The following RAP1GAP2 variants were observed in gnomAD, a reference collection of about 807,000 sequenced individuals.
RAP1GAP2 encodes the protein rap1 GTPase-activating protein 2.
In RAP1GAP2, 27 loss-of-function variants were observed where a neutral mutation model predicts 95.0. The ratio of observed to expected loss-of-function variants is 0.28; its 90% CI spans 0.21 to 0.39. The LOEUF is 0.39. Among genes scored for constraint, RAP1GAP2 ranks in the 10% least tolerant of loss-of-function variants. RAP1GAP2 has a pLI of 1.00. For synonymous variants in RAP1GAP2, 373 were observed against 380.9 expected (o/e 0.98, Z 0.24); for missense variants, 771 against 970.0 (o/e 0.79, Z 2.72).
Position 2,932,884 on chromosome 17 carries a change from C to A in RAP1GAP2, c.166-24875C>A, listed in dbSNP as rs75248246. ...GCAGGGTATGGGTTCCATGTCTGGT[C>A]TGTGATGTGTTCCCTCTGGATGGGC... On this transcript the variant is annotated intron_variant, in intron 3 of 24. Coordinates refer to ENST00000254695, the MANE Select transcript of RAP1GAP2 (RefSeq NM_015085.5). Among the ~76,000 whole-genome samples, 737 of 146,102 alleles carry A rather than the reference C, an allele frequency of 5.0e-3. 6 individuals are homozygous for A. Among genetic ancestry groups the A allele is most frequent in the African/African-American group, 0.017 (689 of 40,060 alleles).
rs1461474600 is a variant in RAP1GAP2 at position 2,855,823 on chromosome 17, A to G, written c.81-49461A>G. ...AGACGGGGGTTTCACCATGTTGCCC[A>G]GGGTGGTCTCAAACTCCTGAGCTCA... is the stretch of plus-strand genomic sequence containing the variant. On this transcript the variant is annotated intron_variant, in intron 2 of 24. Transcript: ENST00000254695. This position sits in a 1 kb window ranked among gnomAD's most constrained non-coding sequence, Gnocchi z 4.3. Among the ~76,000 whole-genome samples, 1 of 152,194 alleles carries G rather than the reference A, an allele frequency of 6.6e-6. No individual in the cohort carries two copies. The highest frequency in any genetic ancestry group is 1.5e-5 in the Non-Finnish European group (1 of 68,044).
chr17:2,911,372 G>A (rs928355685), intron 3 of RAP1GAP2, among the ~76,000 whole-genome samples: 21 of 151,582 alleles, frequency 1.4e-4, no homozygotes, highest in Non-Finnish European at 2.2e-4. Flanking sequence ...CTGGTGCCGG[G>A]TGGGCTGGGA....
Position 2,889,711 on chromosome 17 carries a change from C to T in RAP1GAP2, c.81-15573C>T, listed in dbSNP as rs371623093. Reference sequence around the variant, plus strand: ...TTTTTTTTTTTTTTTGAGATGGAGTCTCACTCTGTCGCCCAGGCTGGAGTG... The same window carrying T: ...TTTTTTTTTTTTTTTGAGATGGAGTTTCACTCTGTCGCCCAGGCTGGAGTG... On this transcript the variant is annotated intron_variant, in intron 2 of 24. Transcript: ENST00000254695. Among the ~76,000 whole-genome samples, 40 of 129,994 alleles carry T rather than the reference C, an allele frequency of 3.1e-4. No homozygotes were observed. The South Asian group carries it at 9.3e-3, about 30-fold the overall frequency. The allele number at this position is 129,994 out of a possible 152,430, so 85.3% of individuals were successfully genotyped here.
At position 2,955,678 on chromosome 17, in the gene RAP1GAP2, G is replaced by A. The variant is rs555464484; in HGVS notation, c.166-2081G>A. Among the ~76,000 whole-genome samples, 17 of 152,208 alleles carry A rather than the reference G, an allele frequency of 1.1e-4. No individual in the cohort carries two copies. The South Asian group carries it at 2.1e-3, about 19-fold the overall frequency. Reference sequence around the variant, plus strand: ...CCTGGGTCTGGGCTTTCCTTCGTGCGTCGTTTTTTTGATCATTAATTTGAT... The same window carrying A: ...CCTGGGTCTGGGCTTTCCTTCGTGCATCGTTTTTTTGATCATTAATTTGAT... On this transcript the variant is annotated intron_variant, in intron 3 of 24. Coordinates refer to ENST00000254695, the MANE Select transcript of RAP1GAP2 (RefSeq NM_015085.5).
chr17:2,779,893 C>T (rs1004136634), intron 1 of RAP1GAP2, among the ~76,000 whole-genome samples: 1 of 150,046 alleles, frequency 6.7e-6, no homozygotes, highest in Admixed American at 6.7e-5. Context: ...GCAGCCTTGG[C>T]GTATGGGGAT....
At chr17:2,831,898 A>C (rs929625834) in intron 2 of RAP1GAP2, among the ~76,000 whole-genome samples, 10 of 151,870 alleles carry the variant, frequency 6.6e-5, no homozygotes, top group Non-Finnish European at 7.4e-5. Flanking sequence ...CTGTCTCAAA[A>C]AACAACAACA....
At chr17:2,994,970 T>C (rs2045903057) in intron 12 of RAP1GAP2, among the ~76,000 whole-genome samples, 1 of 151,484 alleles carries the variant, frequency 6.6e-6, no homozygotes, top group Non-Finnish European at 1.5e-5. Flanking sequence ...TGCACCACCA[T>C]ATCTGGCTAA....
chr17:2,960,139 AAAC>A (rs1163481974), intron 4 of RAP1GAP2, among the ~76,000 whole-genome samples: 2 of 151,392 alleles, frequency 1.3e-5, no homozygotes, highest in Admixed American at 1.3e-4. Flanking sequence ...AAAAAAAAAA[AAAC>A]AACAAAAAAA....
At chr17:2,779,801 G>C (rs991332258) in intron 1 of RAP1GAP2, among the ~76,000 whole-genome samples, 1 of 58,504 alleles carries the variant, frequency 1.7e-5, no homozygotes, top group Admixed American at 1.4e-4. Flanking sequence ...AGGGGGCTGG[G>C]GGGGGGCAGG....
rs565456730 is a variant in RAP1GAP2 at position 3,005,612 on chromosome 17, C to A, written c.1272+172C>A. 6.6e-6 allele frequency among the ~76,000 whole-genome samples: 1 copy of A among 152,276 alleles called. No individual in the cohort carries two copies. The highest frequency in any genetic ancestry group is 2.1e-4 in the South Asian group (1 of 4,830). On this transcript the variant is annotated intron_variant, in intron 15 of 24. Coordinates refer to ENST00000254695, the MANE Select transcript of RAP1GAP2 (RefSeq NM_015085.5). The surrounding 1 kb of genome is among the most constrained non-coding windows in gnomAD (Gnocchi z 5.2). ...GTCTCTCCCCACCTCTTTCATGCTG[C>A]CAGTCTGGCCCAGCATAGGACCACT...
At chr17:2,946,084 C>A (rs944731904) in intron 3 of RAP1GAP2, among the ~76,000 whole-genome samples, 1 of 152,182 alleles carries the variant, frequency 6.6e-6, no homozygotes, top group African/African-American at 2.4e-5. Flanking sequence ...AGCCACCGTG[C>A]CCGGCCTATT....
At chr17:2,980,457 C>T (rs1301049514) in intron 9 of RAP1GAP2, 92 bp downstream of exon 9, 2 of 1,328,112 alleles carry the variant, frequency 1.5e-6, no homozygotes, top group Non-Finnish European at 2.2e-6. Flanking sequence ...TGGGTAGGCT[C>T]AGCCCTTAGA....
chr17:2,788,653 G>A (rs1278904411), intron 1 of RAP1GAP2, among the ~76,000 whole-genome samples: 2 of 152,130 alleles, frequency 1.3e-5, no homozygotes, highest in African/African-American at 4.8e-5. Context: ...ATGATTTGCC[G>A]TCTATTAGCT....
chr17:2,901,168 G>A (rs1476818468), intron 2 of RAP1GAP2, among the ~76,000 whole-genome samples: 2 of 152,172 alleles, frequency 1.3e-5, no homozygotes, highest in Non-Finnish European at 2.9e-5. Flanking sequence ...CTCCCCATCT[G>A]CCCTTGGATC....
intron 18 of RAP1GAP2, 58 bp from the exon 19 acceptor site, chr17:3,020,419 G>A: frequency 7.3e-7 from 1 of 1,379,162 alleles, no homozygotes; most frequent in Non-Finnish European, 1.0e-6. Context: ...AGGAGGATGA[G>A]GGGATAGGAG....
intron 2 of RAP1GAP2, among the ~76,000 whole-genome samples, chr17:2,832,330 G>T (rs1337914919): frequency 6.6e-6 from 1 of 151,720 alleles, no homozygotes; most frequent in Non-Finnish European, 1.5e-5. Context: ...AGGCCAAGGT[G>T]GGTGGATCAC....
At chr17:3,019,997 T>C (rs1384239376) in intron 18 of RAP1GAP2, among the ~76,000 whole-genome samples, 1 of 152,208 alleles carries the variant, frequency 6.6e-6, no homozygotes, top group East Asian at 1.9e-4. Flanking sequence ...TGTCTTGTTA[T>C]TGGAACGCCT....
rs775932254 is a variant in RAP1GAP2, at chr17:2,964,112, C to T, written c.492+44C>T. 4.6e-5 allele frequency: 68 copies of T among 1,462,604 alleles called. 2 individuals are homozygous for T. In the South Asian group the frequency reaches 8.3e-4, roughly 18 times the overall value. 90.6% of individuals were successfully genotyped at this position (1,462,604 alleles called of 1,614,324 possible). ...AGCTGCTGGGGGTTGGGGGCAGAGG[C>T]TGGGGACGCTGGGAGAGAGGAGGTA... On this transcript the variant is annotated intron_variant, in intron 7 of 24. Transcript: ENST00000254695.
intron 8 of RAP1GAP2, among the ~76,000 whole-genome samples, chr17:2,969,825 C>G (rs1273800508): frequency 1.3e-5 from 2 of 151,904 alleles, no homozygotes; most frequent in Non-Finnish European, 2.9e-5. Flanking sequence ...ATTCTTATTT[C>G]CTTCCTTATT....
Sources: allele counts gnomAD v4.1 joint callset (sites outside exome capture counted in the v4.1 genomes callset), GRCh38; gene constraint gnomAD v4.1.1; non-coding constraint Gnocchi (gnomAD v3.1); transcripts MANE v1.5; gene names NCBI Gene and HGNC (gene_info 2026-07-23, HGNC 2026-07-21).